The following BTBD7 variants were observed in gnomAD, a reference collection of about 807,000 sequenced individuals.
BTBD7 encodes the protein BTB/POZ domain-containing protein 7.
In BTBD7, 38 loss-of-function variants were observed where a neutral mutation model predicts 99.9. The ratio of observed to expected loss-of-function variants is 0.38; its 90% CI spans 0.29 to 0.50. BTBD7 has a LOEUF of 0.50. Among genes scored for constraint, BTBD7 ranks in the 20% least tolerant of loss-of-function variants. BTBD7 has a pLI of 0.93. For synonymous variants in BTBD7, 520 were observed against 511.4 expected (o/e 1.02, Z -0.23); for missense variants, 1,170 against 1,394.6 (o/e 0.84, Z 2.57).
intron 3 of BTBD7, among the ~76,000 whole-genome samples, chr14:93,286,278 G>A (rs946221915): frequency 6.6e-6 from 1 of 152,180 alleles, no homozygotes; most frequent in East Asian, 1.9e-4. Flanking sequence ...TACACAGTAA[G>A]GCTGGGAAGA....
Position 93,294,874 on chromosome 14 carries a change from C to T in BTBD7, c.146G>A (p.Gly49Asp), listed in dbSNP as rs1182105365. Residue 49 changes from glycine (G) to aspartate (D), a missense_variant, in exon 3 of 11, where the codon GGC becomes GAC. Gly to Asp is a moderately conservative substitution (Grantham distance 94). Transcript: ENST00000334746. ...TTTTTTGTCTTGTGGTTTCTCATGGCCATGGTCAAGGCTATACAACTTTGA... is the reference window on the plus strand; with the variant it reads ...TTTTTTGTCTTGTGGTTTCTCATGGTCATGGTCAAGGCTATACAACTTTGA... ...CESKLYSLDHGHEKPQDKKKR... is the reference protein window; with the variant it reads ...CESKLYSLDHDHEKPQDKKKR... 18 of 1,613,468 alleles carry T rather than the reference C, an allele frequency of 1.1e-5. No individual in the cohort carries two copies. The highest frequency in any genetic ancestry group is 1.5e-5 in the Non-Finnish European group (18 of 1,179,910).
At chr14:93,290,205 C>G (rs1259054675) in intron 3 of BTBD7, among the ~76,000 whole-genome samples, 1 of 150,500 alleles carries the variant, frequency 6.6e-6, no homozygotes, top group Non-Finnish European at 1.5e-5. Flanking sequence ...TCTGCCAATA[C>G]TGCCTTTTAA....
At chr14:93,287,115 G>C (rs1189772308) in intron 3 of BTBD7, among the ~76,000 whole-genome samples, 1 of 151,996 alleles carries the variant, frequency 6.6e-6, no homozygotes, top group Non-Finnish European at 1.5e-5. Flanking sequence ...TGTAATCCCA[G>C]CTACTTGTGA....
chr14:93,292,242 A>G (rs968494323), intron 3 of BTBD7, among the ~76,000 whole-genome samples: 2 of 152,174 alleles, frequency 1.3e-5, no homozygotes, highest in Non-Finnish European at 2.9e-5. Flanking sequence ...CAAAGTCTAT[A>G]TAATTTGGTT....
chr14:93,246,379 A>C (rs2052311532), intron 9 of BTBD7, 93 bp from the exon 10 acceptor site: 1 of 1,263,784 alleles, frequency 7.9e-7, no homozygotes, highest in East Asian at 2.5e-5. Flanking sequence ...GAGGTACTTA[A>C]GAAAACCACA....
At chr14:93,314,954 T>C (rs1485498947) in intron 1 of BTBD7, among the ~76,000 whole-genome samples, 1 of 152,220 alleles carries the variant, frequency 6.6e-6, no homozygotes, top group Non-Finnish European at 1.5e-5. Context: ...ACATTTTCTA[T>C]ATTAATGTTA....
chr14:93,315,269 A>G (rs1356686608), intron 1 of BTBD7, among the ~76,000 whole-genome samples: 1 of 152,116 alleles, frequency 6.6e-6, no homozygotes, highest in African/African-American at 2.4e-5. Flanking sequence ...CACAGTTATT[A>G]TTGTTTCAAG....
chr14:93,293,882 A>T lies in BTBD7; in HGVS notation c.1138T>A (p.Leu380Met). Residue 380 changes from leucine to methionine, a missense_variant, in exon 3 of 11, where the codon TTG (leucine) becomes ATG (methionine). By Grantham distance (15) the Leu-to-Met change is conservative (BLOSUM62 2). This residue lies in a region of BTBD7 where 359 missense variants were observed against 497.9 expected (regional missense o/e 0.72). Transcript: ENST00000334746. ...CCTTGTGCAAGCATGTTAAATTCCA[A>T]GAACAGTGCTATGTGGTAAAGTTCC... is the stretch of plus-strand genomic sequence containing the variant. Reference protein sequence around the residue: ...AMELYHIALFLEFNMLAQGCE... With the variant: ...AMELYHIALFMEFNMLAQGCE... 6.2e-7 allele frequency: 1 copy of T among 1,609,286 alleles called. No individual in the cohort carries two copies. The highest frequency in any genetic ancestry group is 1.1e-5 in the South Asian group (1 of 89,942).
intron 5 of BTBD7, among the ~76,000 whole-genome samples, 173 bp downstream of exon 5, chr14:93,261,429 T>G (rs1433655823): frequency 2.0e-5 from 3 of 152,222 alleles, no homozygotes; most frequent in African/African-American, 7.2e-5. Flanking sequence ...TCTGATATAT[T>G]TATTTTAATA....
chr14:93,261,595 A>G lies in BTBD7; in HGVS notation c.1447+7T>C, dbSNP rs777571659. On this transcript the variant is annotated splice_region_variant and intron_variant, in intron 5 of 10. Transcript: ENST00000334746. ...GTAACTAGTGCAAGCTAATTTTCGG[A>G]GCTTACCTCTATCTGCTATTCTTTT... The G allele has an allele frequency of 1.2e-6, 2 of 1,606,972 alleles. No individual in the cohort carries two copies. Among genetic ancestry groups the G allele is most frequent in the Non-Finnish European group, 1.7e-6 (2 of 1,175,314 alleles).
chr14:93,261,995 G>A (rs973144405), intron 4 of BTBD7, among the ~76,000 whole-genome samples: 1 of 151,672 alleles, frequency 6.6e-6, no homozygotes, highest in Non-Finnish European at 1.5e-5. Flanking sequence ...AGATGAAGTC[G>A]TACTCTATTG....
intron 1 of BTBD7, among the ~76,000 whole-genome samples, chr14:93,331,718 T>G (rs953437594): frequency 6.6e-6 from 1 of 152,036 alleles, no homozygotes; most frequent in Non-Finnish European, 1.5e-5. Context: ...ACGTCTCTAT[T>G]AAAAATACAA....
At chr14:93,310,246 G>A (rs2053121947) in intron 1 of BTBD7, among the ~76,000 whole-genome samples, 1 of 152,140 alleles carries the variant, frequency 6.6e-6, no homozygotes, top group African/African-American at 2.4e-5. Flanking sequence ...AGCAACTACA[G>A]ACTATCATAT....
At chr14:93,282,628 G>A (rs2052734090) in intron 3 of BTBD7, among the ~76,000 whole-genome samples, 1 of 152,104 alleles carries the variant, frequency 6.6e-6, no homozygotes, top group South Asian at 2.1e-4. Context: ...ACCGCACCCG[G>A]CCTATGCTTG....
At chr14:93,243,160 A>C in intron 10 of BTBD7, 72 bp from the exon 11 acceptor site, 2 of 1,343,148 alleles carry the variant, frequency 1.5e-6, no homozygotes, top group Non-Finnish European at 2.0e-6. Context: ...ATGTTCACTG[A>C]TTTTGTTTCC....
chr14:93,314,957 T>G (rs552886811), intron 1 of BTBD7, among the ~76,000 whole-genome samples: 1 of 152,310 alleles, frequency 6.6e-6, no homozygotes, highest in Admixed American at 6.5e-5. Context: ...TTTTCTATAT[T>G]AATGTTAAAA....
At chr14:93,324,995 G>A (rs926081628) in intron 1 of BTBD7, among the ~76,000 whole-genome samples, 2 of 152,142 alleles carry the variant, frequency 1.3e-5, no homozygotes, top group African/African-American at 4.8e-5. Context: ...AGCATGGCTG[G>A]AGTGACAGGA....
intron 1 of BTBD7, among the ~76,000 whole-genome samples, chr14:93,320,910 C>T (rs915385028): frequency 3.3e-5 from 5 of 152,104 alleles, no homozygotes; most frequent in African/African-American, 1.2e-4. Context: ...CCTACATACC[C>T]TTTAGAAACT....
At chr14:93,273,642 G>A (rs1015310390) in intron 3 of BTBD7, among the ~76,000 whole-genome samples, 1 of 152,186 alleles carries the variant, frequency 6.6e-6, no homozygotes, top group Non-Finnish European at 1.5e-5. Context: ...TGGGCTAGGA[G>A]AAGCAGCTCC....
Sources: gnomAD v4.1 joint callset for allele counts (sites outside exome capture counted in the v4.1 genomes callset) on GRCh38, gnomAD v4.1.1 for gene constraint, gnomAD v4.1.1 regional missense constraint, MANE v1.5 for transcripts, NCBI Gene and HGNC (gene_info 2026-07-23, HGNC 2026-07-21) for gene names.